Variants in STON2 observed in about 807,000 individuals in gnomAD.
The protein encoded by STON2 is stonin 2.
STON2 carries 29 observed loss-of-function variants against 65.7 expected under a neutral mutation model. The observed-to-expected ratio is 0.44, with a 90% CI of 0.33 to 0.60. The LOEUF is 0.60. Among genes scored for constraint, STON2 ranks in the 20% least tolerant of loss-of-function variants. The pLI is 0.03. For missense variants in STON2, 1,054 were observed against 1,118.1 expected (o/e 0.94, Z 0.82); for synonymous variants, 404 against 414.2 (o/e 0.98, Z 0.30).
intron 3 of STON2, among the ~76,000 whole-genome samples, chr14:81,387,719 C>T (rs77936354): frequency 0.18 from 26,573 of 151,012 alleles, 3,005 homozygotes; most frequent in East Asian, 0.44. Flanking sequence ...ATGGTAAAAC[C>T]CATCTCTACT....
At chr14:81,419,843 A>T (rs1267065273) in intron 2 of STON2, among the ~76,000 whole-genome samples, 1 of 152,192 alleles carries the variant, frequency 6.6e-6, no homozygotes, top group Non-Finnish European at 1.5e-5. Flanking sequence ...AAGAGAAGTG[A>T]AGTAGGGAAA....
chr14:81,428,520 C>T (rs1169378617), intron 1 of STON2, among the ~76,000 whole-genome samples: 1 of 151,908 alleles, frequency 6.6e-6, no homozygotes, highest in East Asian at 1.9e-4. Context: ...GCCAGAAGTT[C>T]GAGACTAGCC....
rs774076553 is a variant in STON2 at position 81,261,797 on chromosome 14, G to A, written c.*6617C>T. 5.2e-6 allele frequency: 8 copies of A among 1,526,378 alleles called. No homozygotes were observed. In the South Asian group the frequency reaches 9.7e-5, roughly 19 times the overall value. 94.6% of individuals were successfully genotyped at this position (1,526,378 alleles called of 1,614,324 possible). A position where few individuals can be genotyped will look rare whatever the true frequency, so the allele number is the denominator to read the frequency against. On this transcript the variant is annotated 3_prime_UTR_variant, in exon 8 of 8. Transcript: ENST00000614646. ...CTCTTCATGCTCACACCATTGTTCT[G>A]ATAGATGATGCCAGTGGAACTTCCA...
chr14:81,399,033 A>G (rs893027361), intron 1 of STON2, among the ~76,000 whole-genome samples: 1 of 152,254 alleles, frequency 6.6e-6, no homozygotes, highest in African/African-American at 2.4e-5. Flanking sequence ...TCTCTGGCAG[A>G]AACCCAACAA....
intron 5 of STON2, among the ~76,000 whole-genome samples, chr14:81,310,959 G>C (rs1957542): frequency 0.79 from 119,763 of 152,128 alleles, 47,290 homozygotes; most frequent in African/African-American, 0.8. Context: ...CTATGTCTCT[G>C]TCTTCTATGG....
chr14:81,278,500 C>T lies in STON2; in HGVS notation c.982G>A (p.Gly328Arg), dbSNP rs1894966045. ...VIPDVPYNSM[G>R]SFKKRDRPKS... ...GGACGGTCCCTCTTCTTAAATGATC[C>T]CATTGAATTATAAGGTACATCTGGG... The change falls in exon 6 of 8, where the codon GGA becomes AGA. Residue 328 changes from glycine to arginine, a missense_variant. Physicochemically the swap from Gly to Arg is moderately radical, Grantham distance 125 (BLOSUM62 -2). Coordinates refer to ENST00000614646, the MANE Select transcript of STON2 (RefSeq NM_001394390.1). The T allele has an allele frequency of 6.2e-7, 1 of 1,614,150 alleles. No homozygotes were observed. The highest frequency in any genetic ancestry group is 2.2e-5 in the East Asian group (1 of 44,888).
intron 4 of STON2, among the ~76,000 whole-genome samples, chr14:81,343,308 T>C (rs7492957): frequency 0.12 from 19,006 of 152,164 alleles, 1,577 homozygotes; most frequent in East Asian, 0.24. Context: ...TCTCCTGGGA[T>C]ACATTCTGGC....
At chr14:81,288,918 G>T (rs138141982) in intron 5 of STON2, among the ~76,000 whole-genome samples, 2 of 151,984 alleles carry the variant, frequency 1.3e-5, no homozygotes, top group East Asian at 3.9e-4. Flanking sequence ...GGAGCACTGG[G>T]TAAGTCCCCA....
intron 2 of STON2, among the ~76,000 whole-genome samples, chr14:81,424,775 T>C (rs557967922): frequency 6.6e-6 from 1 of 152,336 alleles, no homozygotes; most frequent in Admixed American, 6.5e-5. Context: ...TTTCCCACCA[T>C]GTATGCCTAT....
At chr14:81,391,585 A>G (rs996048171) in intron 3 of STON2, among the ~76,000 whole-genome samples, 1 of 152,210 alleles carries the variant, frequency 6.6e-6, no homozygotes, top group African/African-American at 2.4e-5. Context: ...TAGTTTGGGT[A>G]ATAGGAATGT....
At chr14:81,389,501 A>T (rs776934564) in intron 3 of STON2, among the ~76,000 whole-genome samples, 6 of 152,244 alleles carry the variant, frequency 3.9e-5, no homozygotes, top group Non-Finnish European at 8.8e-5. Context: ...AACTAAGAAA[A>T]GCATTTTAGA....
chr14:81,410,798 A>C (rs948836555), intron 2 of STON2, among the ~76,000 whole-genome samples: 2 of 152,232 alleles, frequency 1.3e-5, no homozygotes, highest in African/African-American at 4.8e-5. Flanking sequence ...ACAGTAAAAA[A>C]TGGGAGGAGA....
intron 5 of STON2, among the ~76,000 whole-genome samples, chr14:81,319,396 C>T (rs1356622537): frequency 6.6e-6 from 1 of 151,842 alleles, no homozygotes; most frequent in Non-Finnish European, 1.5e-5. Flanking sequence ...TTCATGAGTC[C>T]GCATCATGTC....
chr14:81,361,697 G>A (rs1490803226), intron 4 of STON2, among the ~76,000 whole-genome samples: 2 of 151,872 alleles, frequency 1.3e-5, no homozygotes, highest in African/African-American at 2.4e-5. Flanking sequence ...ACAACAGAGT[G>A]AAGAGACAAA....
Position 81,265,800 on chromosome 14 carries a change from A to G in STON2, c.*2614T>C, listed in dbSNP as rs1894338171. 1 of 985,188 alleles carries G rather than the reference A, an allele frequency of 1.0e-6. No homozygotes were observed. Among genetic ancestry groups the G allele is most frequent in the Non-Finnish European group, 1.2e-6 (1 of 829,922 alleles). The allele number at this position is 985,188 out of a possible 1,614,324, so 61.0% of individuals were successfully genotyped here. A position where few individuals can be genotyped will look rare whatever the true frequency, so the allele number is the denominator to read the frequency against. On this transcript the variant is annotated 3_prime_UTR_variant, in exon 8 of 8. Transcript: ENST00000614646. ...CAGGTGCATGTACACAGGAAATGAG[A>G]ATTTACCATGGGGGGCGGGGAAATA...
intron 2 of STON2, among the ~76,000 whole-genome samples, chr14:81,411,908 C>CA (rs1280953663): frequency 3.3e-4 from 32 of 98,270 alleles, no homozygotes; most frequent in African/African-American, 8.2e-4. Flanking sequence ...CAGAAGATGT[C>CA]TCTGAAGAGG....
At chr14:81,381,551 TC>T (rs1899516117) in intron 3 of STON2, among the ~76,000 whole-genome samples, 1 of 34,296 alleles carries the variant, frequency 2.9e-5, no homozygotes, top group Non-Finnish European at 4.7e-5. Flanking sequence ...AAAAGGATGC[TC>T]TCAACCTTGT....
chr14:81,430,716 G>C (rs1218429724), intron 1 of STON2, among the ~76,000 whole-genome samples: 2 of 152,142 alleles, frequency 1.3e-5, no homozygotes, highest in Admixed American at 1.3e-4. Flanking sequence ...GAAAGTGCTA[G>C]AGATGTGAAA....
At chr14:81,340,065 A>G (rs1390326915) in intron 4 of STON2, among the ~76,000 whole-genome samples, 6 of 152,148 alleles carry the variant, frequency 3.9e-5, no homozygotes, top group Non-Finnish European at 7.4e-5. Context: ...GAGGCAGGAG[A>G]ATGGCATAAA....
Sources: gnomAD v4.1 joint callset for allele counts (sites outside exome capture counted in the v4.1 genomes callset) on GRCh38, gnomAD v4.1.1 for gene constraint, MANE v1.5 for transcripts, NCBI Gene and HGNC (gene_info 2026-07-23, HGNC 2026-07-21) for gene names.